The following CD99L2 variants were observed in gnomAD, a reference collection of about 807,000 sequenced individuals.
The protein encoded by CD99L2 is CD99 antigen-like protein 2.
Under a neutral mutation model 27.3 loss-of-function variants are expected in CD99L2, and 24 were observed. The ratio of observed to expected loss-of-function variants is 0.88; its 90% CI spans 0.64 to 1.24. The LOEUF is 1.24. Ranked by LOEUF, CD99L2 falls within the 50% of genes most tolerant of loss-of-function variation. The pLI is 0.00. For synonymous variants in CD99L2, 97 were observed against 87.9 expected (o/e 1.10, Z -0.58); for missense variants, 255 against 221.6 (o/e 1.15, Z -0.96).
Position 150,769,052 on chromosome X carries a change from G to GGGCGGC in CD99L2, c.765_770dup (p.Pro256_Pro257dup). ...AGGGCCCTCAGATCCGGGCTGGTTC[G>GGGCGGC]GGCGGCGGCGGCGGCTCTGCAGACT... On this transcript the variant is annotated inframe_insertion, in exon 11 of 11. Coordinates refer to ENST00000370377, the MANE Select transcript of CD99L2 (RefSeq NM_031462.4). 6 of 1,156,535 alleles carry GGGCGGC rather than the reference G, an allele frequency of 5.2e-6. No homozygotes were observed. Among genetic ancestry groups the GGGCGGC allele is most frequent in the Non-Finnish European group, 6.8e-6 (6 of 876,302 alleles).
chrX:150,864,009 C>A (rs141478558), intron 1 of CD99L2, among the ~76,000 whole-genome samples: 7 of 112,201 alleles, frequency 6.2e-5, no homozygotes, highest in Non-Finnish European at 1.1e-4. Flanking sequence ...AGACTTCTAG[C>A]CTCCAGAGTT....
intron 1 of CD99L2, among the ~76,000 whole-genome samples, chrX:150,893,783 T>C (rs1183590142): frequency 9.1e-6 from 1 of 110,375 alleles, no homozygotes; most frequent in Non-Finnish European, 1.9e-5. Flanking sequence ...TGGCATGATC[T>C]AAGCTTACTG....
chrX:150,777,858 G>A (rs936215722), intron 7 of CD99L2, among the ~76,000 whole-genome samples: 4 of 112,178 alleles, frequency 3.6e-5, no homozygotes, highest in South Asian at 7.4e-4. Flanking sequence ...GGGACAGCCC[G>A]ACTTTGAGTG....
intron 1 of CD99L2, among the ~76,000 whole-genome samples, chrX:150,848,798 T>C (rs1326266094): frequency 9.0e-6 from 1 of 111,569 alleles, no homozygotes; most frequent in East Asian, 2.8e-4. Context: ...GACCCAGGCA[T>C]GTGCTTTGGA....
At chrX:150,773,238 C>T (rs187019655) in intron 9 of CD99L2, among the ~76,000 whole-genome samples, 165 of 112,306 alleles carry the variant, frequency 1.5e-3, no homozygotes, top group African/African-American at 4.8e-3. Flanking sequence ...GGGCCCAAGC[C>T]GGCCACCCTG....
intron 1 of CD99L2, among the ~76,000 whole-genome samples, chrX:150,896,745 G>A (rs1240422956): frequency 8.9e-6 from 1 of 112,260 alleles, no homozygotes; most frequent in African/African-American, 3.2e-5. Flanking sequence ...AGTCGAAGTG[G>A]GGTACCTCCA....
intron 2 of CD99L2, among the ~76,000 whole-genome samples, chrX:150,827,874 A>T (rs1557420968): frequency 8.9e-6 from 1 of 111,774 alleles, no homozygotes; most frequent in African/African-American, 3.3e-5. Flanking sequence ...GGTCCTAAGC[A>T]CTGTTTGTTG....
At chrX:150,824,589 GAGA>G (rs1277454611) in intron 2 of CD99L2, among the ~76,000 whole-genome samples, 8 of 99,578 alleles carry the variant, frequency 8.0e-5, no homozygotes, top group Non-Finnish European at 8.1e-5. Context: ...GGAGAAGGAG[GAGA>G]AGAAGAAGGA....
chrX:150,815,268 G>C (rs2046135828), intron 3 of CD99L2, among the ~76,000 whole-genome samples: 1 of 111,918 alleles, frequency 8.9e-6, no homozygotes, highest in South Asian at 3.7e-4. Context: ...TTCAAAACCA[G>C]GTACACAGAG....
chrX:150,846,885 A>G (rs2015599511), intron 1 of CD99L2, among the ~76,000 whole-genome samples: 1 of 112,507 alleles, frequency 8.9e-6, no homozygotes, highest in Non-Finnish European at 1.9e-5. Context: ...CCCTGAAGGC[A>G]GCATAAACAC....
intron 4 of CD99L2, among the ~76,000 whole-genome samples, chrX:150,809,087 T>A (rs2046037770): frequency 1.8e-5 from 2 of 111,277 alleles, no homozygotes; most frequent in South Asian, 7.6e-4. Context: ...AGGTGGCCTC[T>A]ATAAGCAGGA....
At position 150,858,288 on chromosome X, in the gene CD99L2, C is replaced by T. The variant is rs182111286; in HGVS notation, c.68-26995G>A. Among the ~76,000 whole-genome samples the T allele has an allele frequency of 5.7e-3, 645 of 112,318 alleles. 5 individuals are homozygous for T. The highest frequency in any genetic ancestry group is 0.02 in the African/African-American group (611 of 30,950). ...AATGGTGGAGGACTTCAACACTCCA[C>T]TCTCAGTGTTAGATCATCTAGACAG... On this transcript the variant is annotated intron_variant, in intron 1 of 10. Transcript: ENST00000370377.
At chrX:150,868,128 T>TAATAA (rs2047100511) in intron 1 of CD99L2, among the ~76,000 whole-genome samples, 1 of 103,445 alleles carries the variant, frequency 9.7e-6, no homozygotes. Context: ...AATAATAATA[T>TAATAA]ATTGTATGGT....
rs1047082972 is a variant in CD99L2 at position 150,843,076 on chromosome X, C to G, written c.68-11783G>C. Among the ~76,000 whole-genome samples the G allele has an allele frequency of 6.2e-5, 7 of 112,620 alleles. No individual in the cohort carries two copies. The South Asian group carries it at 1.8e-3, about 29-fold the overall frequency. Reference sequence around the variant, plus strand: ...AAGAGCAAGCATCTCTGCAGAGGAACGTGTCTGCTGCCTGCTGCTGGATTA... The same window carrying G: ...AAGAGCAAGCATCTCTGCAGAGGAAGGTGTCTGCTGCCTGCTGCTGGATTA... On this transcript the variant is annotated intron_variant, in intron 1 of 10. Transcript: ENST00000370377.
At chrX:150,836,778 T>C (rs1557421214) in intron 1 of CD99L2, among the ~76,000 whole-genome samples, 1 of 112,042 alleles carries the variant, frequency 8.9e-6, no homozygotes, top group African/African-American at 3.3e-5. Flanking sequence ...CTAGGCTGTA[T>C]GGTAGAGCCT....
rs782082349 is a variant in CD99L2, at chrX:150,857,919, A to G, written c.68-26626T>C. Among the ~76,000 whole-genome samples the G allele has an allele frequency of 2.7e-5, 3 of 112,326 alleles. No homozygotes were observed. In the East Asian group the frequency reaches 8.4e-4, roughly 31 times the overall value. On this transcript the variant is annotated intron_variant, in intron 1 of 10. Coordinates refer to ENST00000370377, the MANE Select transcript of CD99L2 (RefSeq NM_031462.4). ...ACTGGCTGATGGATTAAAAAACATGATCCAACTATGTGCTGCCTATAAGAA... is the reference window on the plus strand; with the variant it reads ...ACTGGCTGATGGATTAAAAAACATGGTCCAACTATGTGCTGCCTATAAGAA...
chrX:150,852,964 T>C (rs1356581251), intron 1 of CD99L2, among the ~76,000 whole-genome samples: 1 of 111,288 alleles, frequency 9.0e-6, no homozygotes. Flanking sequence ...TATGTAGGAG[T>C]GGAATGACTA....
chrX:150,841,284 GA>G (rs782394046), intron 1 of CD99L2, among the ~76,000 whole-genome samples: 1 of 112,370 alleles, frequency 8.9e-6, no homozygotes, highest in South Asian at 3.7e-4. Flanking sequence ...GCAAAGTGCA[GA>G]GAAGTATTTT....
At chrX:150,779,539 A>G (rs1557419390) in intron 7 of CD99L2, among the ~76,000 whole-genome samples, 1 of 112,402 alleles carries the variant, frequency 8.9e-6, no homozygotes, top group Non-Finnish European at 1.9e-5. Context: ...CACTGGAGTT[A>G]ACCAAGCCGA....
Sources: gnomAD v4.1 joint callset for allele counts (sites outside exome capture counted in the v4.1 genomes callset) on GRCh38, gnomAD v4.1.1 for gene constraint, MANE v1.5 for transcripts, NCBI Gene and HGNC (gene_info 2026-07-23, HGNC 2026-07-21) for gene names.